IQCE: variants seen among roughly 807,000 people sequenced by gnomAD.
IQCE encodes the protein IQ domain-containing protein E.
Under a neutral mutation model 96.0 loss-of-function variants are expected in IQCE, and 115 were observed. The observed-to-expected ratio is 1.20, with a 90% confidence interval of 1.03 to 1.40. The LOEUF is 1.40. Among genes scored for constraint, IQCE ranks in the 40% most tolerant of loss-of-function variants. IQCE has a pLI of 0.00. For synonymous variants in IQCE, 412 were observed against 371.2 expected (o/e 1.11, Z -1.26); for missense variants, 1,041 against 909.1 (o/e 1.15, Z -1.87).
rs763749551 is a variant in IQCE, at chr7:2,572,681, T to A, written c.394+355T>A. The A allele has an allele frequency of 1.1e-4, 54 of 470,976 alleles. 1 individual carries two copies. Among genetic ancestry groups the A allele is most frequent in the Non-Finnish European group, 1.7e-4 (41 of 237,404 alleles). The allele number at this position is 470,976 out of a possible 1,614,324, so 29.2% of individuals were successfully genotyped here. A position where few individuals can be genotyped will look rare whatever the true frequency, so the allele number is the denominator to read the frequency against. On this transcript the variant is annotated intron_variant, in intron 5 of 21. Transcript: ENST00000402050. ...AAAGTCCAAGTCGCACCAAAGAGAA[T>A]CAGCTTGTTTCTGTGTTTATGTTCC...
chr7:2,562,233 G>GGTGT lies in IQCE; in HGVS notation c.36+3032_36+3035dup, dbSNP rs139019430. 1.8e-3 allele frequency among the ~76,000 whole-genome samples: 266 copies of GGTGT among 148,780 alleles called. 2 individuals carry two copies. Among genetic ancestry groups the GGTGT allele is most frequent in the East Asian group, 8.0e-3 (41 of 5,110 alleles). On this transcript the variant is annotated intron_variant, in intron 1 of 21. Coordinates refer to ENST00000402050, the MANE Select transcript of IQCE (RefSeq NM_152558.5). ...ACCAATCTTTCATTCTTGGTCTTGG[G>GGTGT]GTGTGTGTGTGTGTGTGTGCACATA...
At chr7:2,593,328 G>C (rs1026273240) in intron 15 of IQCE, among the ~76,000 whole-genome samples, 1 of 152,252 alleles carries the variant, frequency 6.6e-6, no homozygotes, top group African/African-American at 2.4e-5. Flanking sequence ...CTGGCATCGT[G>C]GCCACCTCTC....
At chr7:2,589,241 A>T (rs1783383600) in intron 13 of IQCE, among the ~76,000 whole-genome samples, 1 of 151,930 alleles carries the variant, frequency 6.6e-6, no homozygotes, top group Non-Finnish European at 1.5e-5. Context: ...GGTGGTGCAC[A>T]CCTGTATTCC....
At chr7:2,606,455 A>C (rs1784832912) in intron 20 of IQCE, among the ~76,000 whole-genome samples, 1 of 150,318 alleles carries the variant, frequency 6.7e-6, no homozygotes, top group Admixed American at 6.6e-5. Context: ...GTTTGCTAGG[A>C]CTCTCGGTTG....
intron 21 of IQCE, chr7:2,607,626 C>G (rs1192825705): frequency 2.0e-6 from 2 of 1,002,884 alleles, no homozygotes; most frequent in Non-Finnish European, 2.5e-6. Flanking sequence ...ATGCCACACC[C>G]TGGTGTGAGG....
rs775489461 is a variant in IQCE, at chr7:2,578,284, A to C, written c.508A>C (p.Lys170Gln). Residue 170 changes from lysine to glutamine, a missense_variant, in exon 7 of 22, where the codon AAG becomes CAG. Coordinates refer to ENST00000402050, the MANE Select transcript of IQCE (RefSeq NM_152558.5). The part of the protein sequence containing the change: ...QKSDVDLMRT[K>Q]LRRLEEENSR... ...GAGCGACGTGGACCTGATGAGAACG[A>C]AGCTCCGGCGCCTGGAGGAGGAAAA... is the stretch of plus-strand genomic sequence containing the variant. 1 of 1,613,958 alleles carries C rather than the reference A, an allele frequency of 6.2e-7. No individual in the cohort carries two copies.
rs566845045 is a variant in IQCE, at chr7:2,564,634, C to A, written c.37-2482C>A. On this transcript the variant is annotated intron_variant, in intron 1 of 21. Coordinates refer to ENST00000402050, the MANE Select transcript of IQCE (RefSeq NM_152558.5). The stretch of plus-strand genomic sequence containing the variant: ...AATCTATACATTTGTGAATTCCTTT[C>A]TTTTGTTGATTTCTAGTTTTCCTTG... 2.0e-5 allele frequency among the ~76,000 whole-genome samples: 3 copies of A among 151,966 alleles called. No homozygotes were observed. In the South Asian group the frequency reaches 6.2e-4, roughly 32 times the overall value.
In IQCE at chr7:2,612,218, T is replaced by C. The variant is rs919772285; in HGVS notation, c.*2056T>C. 1.3e-5 allele frequency: 2 copies of C among 152,210 alleles called. No homozygotes were observed. The highest frequency in any genetic ancestry group is 2.9e-5 in the Non-Finnish European group (2 of 68,064). 9.4% of individuals were successfully genotyped at this position (152,210 alleles called of 1,614,324 possible). On this transcript the variant is annotated 3_prime_UTR_variant, in exon 22 of 22. Transcript: ENST00000402050. ...CCAATGTTCCATACATAAACCGCCA[T>C]GTCCTCTGGTGCAGCTGGGCTGCTC... is the stretch of plus-strand genomic sequence containing the variant.
At chr7:2,605,153 T>C (rs1784709198) in intron 19 of IQCE, among the ~76,000 whole-genome samples, 162 bp downstream of exon 19, 1 of 152,124 alleles carries the variant, frequency 6.6e-6, no homozygotes, top group Non-Finnish European at 1.5e-5. Context: ...CATGCAGGCT[T>C]CTCTGCGCAG....
chr7:2,603,121 C>T (rs952382698), intron 18 of IQCE, among the ~76,000 whole-genome samples: 2 of 152,184 alleles, frequency 1.3e-5, no homozygotes, highest in African/African-American at 2.4e-5. Flanking sequence ...CCAACATCCC[C>T]GTCTCTGACA....
chr7:2,561,009 G>T (rs1419049619), intron 1 of IQCE, among the ~76,000 whole-genome samples: 6 of 150,434 alleles, frequency 4.0e-5, no homozygotes, highest in African/African-American at 1.5e-4. Context: ...CCAGGCTGGA[G>T]TGCAATGATG....
At chr7:2,607,279 C>T (rs1393274788) in intron 21 of IQCE, 52 bp downstream of exon 21, 1 of 1,611,368 alleles carries the variant, frequency 6.2e-7, no homozygotes, top group Non-Finnish European at 8.5e-7. Context: ...CTGCTGAGGT[C>T]TCAGCCAAAG....
chr7:2,562,294 A>G lies in IQCE; in HGVS notation c.36+3077A>G, dbSNP rs1410148448. On this transcript the variant is annotated intron_variant, in intron 1 of 21. Transcript: ENST00000402050. ...AGTACCAATTAGGGTACATATATATATATATATAAAATCCTTTTCATGCCT... is the reference window on the plus strand; with the variant it reads ...AGTACCAATTAGGGTACATATATATGTATATATAAAATCCTTTTCATGCCT... Among the ~76,000 whole-genome samples the G allele has an allele frequency of 2.6e-5, 4 of 151,472 alleles. 1 individual carries two copies. The highest frequency in any genetic ancestry group is 2.6e-4 in the Admixed American group (4 of 15,208).
rs377717187 is a variant in IQCE at position 2,598,563 on chromosome 7, C to G, written c.1539C>G (p.Pro513=). 1.2e-6 allele frequency: 2 copies of G among 1,610,996 alleles called. No individual in the cohort carries two copies. Among genetic ancestry groups the G allele is most frequent in the African/African-American group, 1.3e-5 (1 of 74,894 alleles). The change falls in exon 17 of 22, where the codon CCC becomes CCG. Residue 513 remains proline, a synonymous_variant. Coordinates refer to ENST00000402050, the MANE Select transcript of IQCE (RefSeq NM_152558.5). ...AGGGGCTCCCGCGGCCCCGCTCCCCCTGCTCTGATGGGAGAAGAGACGCCG... is the reference window on the plus strand; with the variant it reads ...AGGGGCTCCCGCGGCCCCGCTCCCCGTGCTCTGATGGGAGAAGAGACGCCG... The part of the protein sequence containing the change: ...SEEGLPRPRS[P]CSDGRRDAAA...
rs1785132221 is a variant in IQCE at position 2,612,303 on chromosome 7, C to T, written c.*2141C>T. The T allele has an allele frequency of 6.6e-6, 1 of 152,298 alleles. No individual in the cohort carries two copies. The allele number at this position is 152,298 out of a possible 1,614,324, so 9.4% of individuals were successfully genotyped here. A position where few individuals can be genotyped will look rare whatever the true frequency, so the allele number is the denominator to read the frequency against. ...GGTAAATGGCAATGCATTCTCAAGC[C>T]AGTGTCTTCAGCTGATGCCCAGTGT... On this transcript the variant is annotated 3_prime_UTR_variant, in exon 22 of 22. Coordinates refer to ENST00000402050, the MANE Select transcript of IQCE (RefSeq NM_152558.5).
chr7:2,594,956 TG>T lies in IQCE; in HGVS notation c.1421del (p.Cys474SerfsTer90). 2.5e-6 allele frequency: 4 copies of T among 1,613,102 alleles called. No individual in the cohort carries two copies. The highest frequency in any genetic ancestry group is 3.4e-6 in the Non-Finnish European group (4 of 1,179,094). On this transcript the variant is annotated frameshift_variant, in exon 16 of 22. Coordinates refer to ENST00000402050, the MANE Select transcript of IQCE (RefSeq NM_152558.5). LOFTEE classifies it high-confidence loss of function. ...AATGAAGAAAGAAGAGAAAGAGGAT[TG>T]CCCGGAAGTTCCTCATAAGGTACAG... ...QEMKKEEKED[C>X]PEVPHKAQEL...
At chr7:2,593,200 G>A (rs1157048313) in intron 15 of IQCE, 74 bp downstream of exon 15, 10 of 1,514,442 alleles carry the variant, frequency 6.6e-6, no homozygotes, top group Non-Finnish European at 8.9e-6. Context: ...GCCCCCCGTG[G>A]CGTCTCAGCC....
chr7:2,562,629 G>A (rs190988983), intron 1 of IQCE, among the ~76,000 whole-genome samples: 8 of 147,204 alleles, frequency 5.4e-5, no homozygotes, highest in Non-Finnish European at 8.9e-5. Context: ...TGGTAATTTC[G>A]TGTCTCTGGG....
chr7:2,563,705 T>TA (rs1310585164), intron 1 of IQCE, among the ~76,000 whole-genome samples: 3 of 150,710 alleles, frequency 2.0e-5, no homozygotes, highest in Non-Finnish European at 4.4e-5. Flanking sequence ...CCATCCTGGC[T>TA]AACACAGTGA....
Sources: gnomAD v4.1 joint callset for allele counts (sites outside exome capture counted in the v4.1 genomes callset) on GRCh38, gnomAD v4.1.1 for gene constraint, MANE v1.5 for transcripts, NCBI Gene and HGNC (gene_info 2026-07-23, HGNC 2026-07-21) for gene names.